MAN1A2: variants seen among roughly 807,000 people sequenced by gnomAD.
MAN1A2 encodes the protein mannosidase alpha class 1A member 2.
MAN1A2 carries 26 observed loss-of-function variants against 75.7 expected under a neutral mutation model. The ratio of observed to expected loss-of-function variants is 0.34; its 90% CI spans 0.25 to 0.48. The LOEUF is 0.48. Ranked by LOEUF, MAN1A2 falls within the 20% of genes least tolerant of loss-of-function variation. The pLI is 0.99. For missense variants in MAN1A2, 562 were observed against 775.5 expected (o/e 0.72, Z 3.27); for synonymous variants, 247 against 264.6 (o/e 0.93, Z 0.65).
intron 1 of MAN1A2, among the ~76,000 whole-genome samples, chr1:117,373,478 G>T (rs1653038560): frequency 7.0e-6 from 1 of 143,544 alleles, no homozygotes; most frequent in African/African-American, 2.6e-5. Context: ...TGCCTTTGCT[G>T]CATTTGTTTT....
intron 1 of MAN1A2, 42 bp from the exon 2 acceptor site, chr1:117,402,144 A>C: frequency 1.9e-6 from 3 of 1,561,132 alleles, no homozygotes; most frequent in Non-Finnish European, 2.6e-6. Context: ...GACATTCTTA[A>C]GTAGGCTCAC....
intron 5 of MAN1A2, among the ~76,000 whole-genome samples, chr1:117,425,800 A>C (rs1270717727): frequency 6.6e-6 from 1 of 152,184 alleles, no homozygotes; most frequent in African/African-American, 2.4e-5. Context: ...TTATGCTGCA[A>C]ATCCATAGTA....
intron 5 of MAN1A2, among the ~76,000 whole-genome samples, chr1:117,435,896 A>G (rs1648831456): frequency 6.6e-6 from 1 of 152,066 alleles, no homozygotes; most frequent in Non-Finnish European, 1.5e-5. Context: ...TCTCTCTACT[A>G]AAAATATAAA....
At chr1:117,429,620 G>A (rs1412339090) in intron 5 of MAN1A2, among the ~76,000 whole-genome samples, 44 of 105,084 alleles carry the variant, frequency 4.2e-4, no homozygotes, top group Non-Finnish European at 5.3e-4. Context: ...GCGGCTGGCC[G>A]GGCAGAGGGG....
chr1:117,513,492 C>T (rs186416759), intron 12 of MAN1A2, among the ~76,000 whole-genome samples: 13 of 151,796 alleles, frequency 8.6e-5, no homozygotes, highest in African/African-American at 2.7e-4. Flanking sequence ...TTTGATGGTC[C>T]GTTAATCATG....
At position 117,368,314 on chromosome 1, in the gene MAN1A2, G is replaced by A; in HGVS notation, c.131G>A (p.Ser44Asn). 2 of 1,614,056 alleles carry A rather than the reference G, an allele frequency of 1.2e-6. No individual in the cohort carries two copies. Among genetic ancestry groups the A allele is most frequent in the East Asian group, 2.2e-5 (1 of 44,874 alleles). Residue 44 changes from serine (S) to asparagine (N), a missense_variant, in exon 1 of 13, where the codon AGT becomes AAT. Transcript: ENST00000356554. ...SEKFILLLIL[S>N]AFITLCFGAF... ...AAGTTTATTCTTCTCCTTATTCTTAGTGCCTTCATCACTCTGTGTTTTGGG... is the reference window on the plus strand; with the variant it reads ...AAGTTTATTCTTCTCCTTATTCTTAATGCCTTCATCACTCTGTGTTTTGGG...
At chr1:117,406,424 ATTTTATTACCTGT>A (rs1298474418) in intron 3 of MAN1A2, among the ~76,000 whole-genome samples, 2 of 152,160 alleles carry the variant, frequency 1.3e-5, no homozygotes, top group Non-Finnish European at 2.9e-5. Context: ...ATGCAATCTG[ATTTTATTACCTGT>A]AGTAAACCAT....
intron 12 of MAN1A2, among the ~76,000 whole-genome samples, chr1:117,505,527 A>G (rs1651332018): frequency 6.6e-6 from 1 of 151,218 alleles, no homozygotes; most frequent in African/African-American, 2.4e-5. Flanking sequence ...GCTTTTAGAA[A>G]AACATATATC....
At chr1:117,500,561 A>G (rs1651169560) in intron 11 of MAN1A2, among the ~76,000 whole-genome samples, 1 of 151,870 alleles carries the variant, frequency 6.6e-6, no homozygotes, top group African/African-American at 2.4e-5. Flanking sequence ...TAACCTAGGA[A>G]TAATGTGAGA....
At chr1:117,380,167 T>C (rs1653285291) in intron 1 of MAN1A2, among the ~76,000 whole-genome samples, 1 of 152,172 alleles carries the variant, frequency 6.6e-6, no homozygotes, top group African/African-American at 2.4e-5. Flanking sequence ...AAAAATTACA[T>C]CCATCCTAGT....
intron 11 of MAN1A2, among the ~76,000 whole-genome samples, chr1:117,501,069 T>A (rs1239515371): frequency 6.6e-6 from 1 of 151,824 alleles, no homozygotes; most frequent in Non-Finnish European, 1.5e-5. Context: ...TTTAGGATAA[T>A]TCATCCTTTT....
intron 12 of MAN1A2, among the ~76,000 whole-genome samples, chr1:117,505,287 A>T (rs12141947): frequency 2.0e-5 from 3 of 151,074 alleles, no homozygotes; most frequent in African/African-American, 7.3e-5. Flanking sequence ...CAAATCTCTC[A>T]TCATTACAAC....
At chr1:117,382,755 C>G (rs10923279) in intron 1 of MAN1A2, among the ~76,000 whole-genome samples, 3,004 of 152,176 alleles carry the variant, frequency 0.02, 87 homozygotes, top group African/African-American at 0.067. Flanking sequence ...GGCATTGAAT[C>G]TATAAATTAC....
intron 12 of MAN1A2, among the ~76,000 whole-genome samples, chr1:117,506,289 T>C (rs1651367251): frequency 6.6e-6 from 1 of 151,584 alleles, no homozygotes; most frequent in African/African-American, 2.4e-5. Context: ...AGATGGAAAC[T>C]GATTGTCACG....
chr1:117,460,608 A>G lies in MAN1A2; in HGVS notation c.1070A>G (p.Lys357Arg), dbSNP rs761210469. The G allele has an allele frequency of 5.0e-6, 8 of 1,600,966 alleles. No individual in the cohort carries two copies. The highest frequency in any genetic ancestry group is 6.0e-6 in the Non-Finnish European group (7 of 1,175,702). Residue 357 changes from lysine to arginine, a missense_variant, in exon 7 of 13, where the codon AAA becomes AGA. Lys to Arg is a conservative substitution (Grantham distance 26). Around this residue, in one of 2 missense-constraint regions of MAN1A2, gnomAD observed 434 missense variants for 645.7 expected, o/e 0.67. Transcript: ENST00000356554. Reference sequence around the variant, plus strand: ...TTGACAGGGGACCTGACTTACTACAAAAAGGTTTGTTTTCTTGCCTTCTAT... The same window carrying G: ...TTGACAGGGGACCTGACTTACTACAGAAAGGTTTGTTTTCTTGCCTTCTAT... Reference protein sequence around the residue: ...SYLTGDLTYYKKVMHIRKLLQ... With the variant: ...SYLTGDLTYYRKVMHIRKLLQ...
At chr1:117,455,755 G>A (rs1192332996) in intron 6 of MAN1A2, among the ~76,000 whole-genome samples, 1 of 151,812 alleles carries the variant, frequency 6.6e-6, no homozygotes, top group Non-Finnish European at 1.5e-5. Flanking sequence ...TTGGTACTGA[G>A]AGTGATTGGA....
chr1:117,416,495 T>C (rs1423133710), intron 4 of MAN1A2, among the ~76,000 whole-genome samples: 3 of 152,196 alleles, frequency 2.0e-5, no homozygotes, highest in Admixed American at 6.5e-5. Context: ...CTCCCATTCA[T>C]TGACAGGACA....
chr1:117,499,322 T>A, intron 10 of MAN1A2, 60 bp from the exon 11 acceptor site: 1 of 1,226,210 alleles, frequency 8.2e-7, no homozygotes, highest in South Asian at 2.1e-5. Context: ...AAGAAAGAAG[T>A]CCTTGCAAAC....
At chr1:117,395,481 G>A (rs58694069) in intron 1 of MAN1A2, among the ~76,000 whole-genome samples, 38,285 of 152,004 alleles carry the variant, frequency 0.25, 5,606 homozygotes, top group East Asian at 0.48. Context: ...TGTAATTGAT[G>A]AAGCCATTGC....
Sources: gnomAD v4.1 joint callset for allele counts (sites outside exome capture counted in the v4.1 genomes callset) on GRCh38, gnomAD v4.1.1 for gene constraint, gnomAD v4.1.1 regional missense constraint, MANE v1.5 for transcripts, NCBI Gene and HGNC (gene_info 2026-07-23, HGNC 2026-07-21) for gene names.